The following FCGR3A variants were observed in gnomAD, a reference collection of about 807,000 sequenced individuals.
FCGR3A encodes the protein low affinity immunoglobulin gamma Fc region receptor III-A.
A neutral mutation model predicts 24.1 loss-of-function variants in FCGR3A; 13 were observed. That is an observed-to-expected ratio of 0.54 (90% confidence interval 0.35 to 0.86). The LOEUF (loss-of-function observed/expected upper bound fraction) is 0.86. Among genes scored for constraint, FCGR3A ranks in the 40% least tolerant of loss-of-function variants. The pLI, the probability that FCGR3A is intolerant of heterozygous loss-of-function variation, is 0.01. For missense variants in FCGR3A, 235 were observed against 298.0 expected (o/e 0.79, Z 1.56); for synonymous variants, 93 against 112.2 (o/e 0.83, Z 1.08).
At chr1:161,545,035 C>A (rs1259097467) in intron 3 of FCGR3A, 77 bp from the exon 4 acceptor site, 3 of 1,568,524 alleles carry the variant, frequency 1.9e-6, no homozygotes, top group Non-Finnish European at 2.6e-6. Flanking sequence ...CACGTACCAC[C>A]CAGATCCTGA....
chr1:161,550,199 C>T (rs1404118303), upstream of FCGR3A: 37 of 464,316 alleles, frequency 8.0e-5, 1 homozygote, highest in African/African-American at 1.4e-4. Context: ...TCTCCTGCCT[C>T]GCCCAGACCC....
In FCGR3A at chr1:161,542,701, G is replaced by C. The variant is rs1275803409; in HGVS notation, c.*311C>G. 1 of 224,708 alleles carries C rather than the reference G, an allele frequency of 4.5e-6. No individual in the cohort carries two copies. The highest frequency in any genetic ancestry group is 8.8e-6 in the Non-Finnish European group (1 of 114,126). The allele number at this position is 224,708 out of a possible 1,614,324, so 13.9% of individuals were successfully genotyped here. On this transcript the variant is annotated 3_prime_UTR_variant, in exon 5 of 5. Transcript: ENST00000443193. ...ACGAGCAATTTTTGTATGTTTAAAG[G>C]ATTACCATCCCTAGCCTGTATTGTT...
At position 161,543,169 on chromosome 1, in the gene FCGR3A, A is replaced by C. The variant is rs1042206; in HGVS notation, c.608T>G (p.Phe203Cys). ...GLAVSTISSF[F>C]PPGYQVSFCL... is the part of the protein sequence containing the mutation. The stretch of plus-strand genomic sequence containing the variant: ...GAAAGAGACTTGGTACCCAGGTGGA[A>C]AGAATGATGAGATGGTTGACACTGC... Residue 203 changes from phenylalanine (F) to cysteine (C), a missense_variant, in exon 5 of 5, where the codon TTT becomes TGT. Coordinates refer to ENST00000443193, the MANE Select transcript of FCGR3A (RefSeq NM_000569.8). The C allele has an allele frequency of 2.5e-6, 4 of 1,607,454 alleles. No homozygotes were observed. Among genetic ancestry groups the C allele is most frequent in the Non-Finnish European group, 3.4e-6 (4 of 1,175,660 alleles).
chr1:161,545,475 G>GAACT (rs57760960), intron 3 of FCGR3A: 5 of 156,884 alleles, frequency 3.2e-5, no homozygotes, highest in African/African-American at 7.2e-5. Context: ...TTGTGAAGGA[G>GAACT]AACTCAATGT....
At position 161,546,961 on chromosome 1, in the gene FCGR3A, C is replaced by T. The variant is rs537641253; in HGVS notation, c.319+1460G>A. On this transcript the variant is annotated intron_variant, in intron 3 of 4. Coordinates refer to ENST00000443193, the MANE Select transcript of FCGR3A (RefSeq NM_000569.8). The stretch of plus-strand genomic sequence containing the variant: ...CAAACAAAAAAAGAAGTAAAAAATG[C>T]TTCTCAGAGGAGGACATAAGTGAAA... Among the ~76,000 whole-genome samples the T allele has an allele frequency of 4.2e-4, 64 of 151,988 alleles. 1 individual carries two copies. The highest frequency in any genetic ancestry group is 1.5e-3 in the African/African-American group (62 of 41,452).
At chr1:161,547,409 G>A (rs1292410454) in intron 3 of FCGR3A, among the ~76,000 whole-genome samples, 1 of 152,138 alleles carries the variant, frequency 6.6e-6, no homozygotes, top group Admixed American at 6.5e-5. Flanking sequence ...CGTGGAAGTA[G>A]AGTTAGGTTT....
At chr1:161,547,794 G>T (rs1197225300) in intron 3 of FCGR3A, among the ~76,000 whole-genome samples, 2 of 152,294 alleles carry the variant, frequency 1.3e-5, no homozygotes, top group South Asian at 2.1e-4. Flanking sequence ...TATTGGCCAG[G>T]TGTGGTGGCT....
rs765266636 is a variant in FCGR3A at position 161,548,618 on chromosome 1, T to G, written c.122A>C (p.Asp41Ala). ...EPQWYRVLEK[D>A]SVTLKCQGAY... ...TCCCTGGCACTTCAGAGTCACACTG[T>G]CCTTCTCGAGCACCCTGTACCATTG... The change falls in exon 3 of 5, where the codon GAC becomes GCC. Residue 41 changes from aspartate (D) to alanine (A), a missense_variant. Coordinates refer to ENST00000443193, the MANE Select transcript of FCGR3A (RefSeq NM_000569.8). 4 of 1,613,934 alleles carry G rather than the reference T, an allele frequency of 2.5e-6. No homozygotes were observed. The Admixed American group carries it at 6.7e-5, about 27-fold the overall frequency.
chr1:161,547,410 A>G (rs1677471313), intron 3 of FCGR3A, among the ~76,000 whole-genome samples: 1 of 152,092 alleles, frequency 6.6e-6, no homozygotes, highest in African/African-American at 2.4e-5. Context: ...GTGGAAGTAG[A>G]GTTAGGTTTG....
chr1:161,547,372 C>G (rs1475465015), intron 3 of FCGR3A, among the ~76,000 whole-genome samples: 1 of 152,112 alleles, frequency 6.6e-6, no homozygotes, highest in Non-Finnish European at 1.5e-5. Flanking sequence ...CTTGTTCCAC[C>G]CATAAACATT....
At position 161,542,588 on chromosome 1, in the gene FCGR3A, A is replaced by G. The variant is rs1436835691; in HGVS notation, c.*424T>C. 1.9e-5 allele frequency: 3 copies of G among 158,606 alleles called. No individual in the cohort carries two copies. Among genetic ancestry groups the G allele is most frequent in the South Asian group, 1.8e-4 (1 of 5,588 alleles). 9.8% of individuals were successfully genotyped at this position (158,606 alleles called of 1,614,324 possible). A position where few individuals can be genotyped will look rare whatever the true frequency, so the allele number is the denominator to read the frequency against. On this transcript the variant is annotated 3_prime_UTR_variant, in exon 5 of 5. Coordinates refer to ENST00000443193, the MANE Select transcript of FCGR3A (RefSeq NM_000569.8). The stretch of plus-strand genomic sequence containing the variant: ...ATCCCCAGCAGTTCCCACACTCTGT[A>G]TGGTCCTGCCTCAACCATTAATTCT...
chr1:161,545,253 G>C (rs1677336054), intron 3 of FCGR3A: 4 of 418,594 alleles, frequency 9.6e-6, no homozygotes, highest in South Asian at 4.9e-5. Context: ...ATATCTGCAG[G>C]ATCCTTAAGT....
At chr1:161,544,555 G>T (rs1395945161) in intron 4 of FCGR3A, 146 bp downstream of exon 4, 2 of 802,144 alleles carry the variant, frequency 2.5e-6, no homozygotes, top group East Asian at 5.3e-5. Context: ...GGACTTTTGG[G>T]GACCTCCTGG....
rs1042258 is a variant in FCGR3A at position 161,541,973 on chromosome 1, T to G, written c.*1039A>C. ...ATGAAGGATTTGAAAGTTTCATAAC[T>G]TAACTCAGCGAAGCTCAGTAGTACA... On this transcript the variant is annotated 3_prime_UTR_variant, in exon 5 of 5. Transcript: ENST00000443193. 1 of 152,258 alleles carries G rather than the reference T, an allele frequency of 6.6e-6. No homozygotes were observed. Among genetic ancestry groups the G allele is most frequent in the Admixed American group, 6.5e-5 (1 of 15,272 alleles). The allele number at this position is 152,258 out of a possible 1,614,324, so 9.4% of individuals were successfully genotyped here. A position where few individuals can be genotyped will look rare whatever the true frequency, so the allele number is the denominator to read the frequency against.
chr1:161,549,743 A>T lies in FCGR3A; in HGVS notation c.-7T>A, dbSNP rs762637726. ...GGAGGAGCAGCTGCCACATGATGCCACACTGGAGTGGACAAGTCACCAAAG... is the reference window on the plus strand; with the variant it reads ...GGAGGAGCAGCTGCCACATGATGCCTCACTGGAGTGGACAAGTCACCAAAG... On this transcript the variant is annotated 5_prime_UTR_variant, in exon 1 of 5. Transcript: ENST00000443193. The T allele has an allele frequency of 1.2e-6, 2 of 1,613,964 alleles. No individual in the cohort carries two copies. The highest frequency in any genetic ancestry group is 1.7e-6 in the Non-Finnish European group (2 of 1,179,912).
rs760848344 is a variant in FCGR3A, at chr1:161,548,528, G to A, written c.212C>T (p.Ala71Val). 5.6e-6 allele frequency: 9 copies of A among 1,613,912 alleles called. No homozygotes were observed. The highest frequency in any genetic ancestry group is 7.6e-6 in the Non-Finnish European group (9 of 1,179,884). ...FHNESLISSQASSYFIDAATV... is the reference protein window; with the variant it reads ...FHNESLISSQVSSYFIDAATV... ...GGCAGCGTCAATGAAGTAGCTCGAGGCCTGGCTTGAGATGAGGCTCTCATT... is the reference window on the plus strand; with the variant it reads ...GGCAGCGTCAATGAAGTAGCTCGAGACCTGGCTTGAGATGAGGCTCTCATT... Residue 71 changes from alanine (A) to valine (V), a missense_variant, in exon 3 of 5, where the codon GCC becomes GTC. Ala to Val is a moderately conservative substitution (Grantham distance 64). Coordinates refer to ENST00000443193, the MANE Select transcript of FCGR3A (RefSeq NM_000569.8).
intron 4 of FCGR3A, among the ~76,000 whole-genome samples, chr1:161,544,060 G>A (rs1322814967): frequency 6.6e-6 from 1 of 152,284 alleles, no homozygotes; most frequent in East Asian, 1.9e-4. Context: ...TTGCACCTCG[G>A]TTACTTCATC....
intron 3 of FCGR3A, among the ~76,000 whole-genome samples, chr1:161,547,413 T>G (rs1350336003): frequency 6.6e-6 from 1 of 152,134 alleles, no homozygotes; most frequent in African/African-American, 2.4e-5. Context: ...GAAGTAGAGT[T>G]AGGTTTGCAG....
chr1:161,546,359 C>T (rs1418454952), intron 3 of FCGR3A, among the ~76,000 whole-genome samples: 4 of 151,992 alleles, frequency 2.6e-5, no homozygotes, highest in East Asian at 3.9e-4. Flanking sequence ...TGTCATGGAC[C>T]CAGTGAATGT....
Sources: allele counts gnomAD v4.1 joint callset (sites outside exome capture counted in the v4.1 genomes callset), GRCh38; gene constraint gnomAD v4.1.1; transcripts MANE v1.5; gene names NCBI Gene and HGNC (gene_info 2026-07-23, HGNC 2026-07-21).